NOTCH2: variants seen among roughly 807,000 people sequenced by gnomAD.
The protein encoded by NOTCH2 is notch receptor 2.
In NOTCH2, 29 loss-of-function variants were observed where a neutral mutation model predicts 235.8. The observed-to-expected ratio is 0.12, with a 90% CI of 0.09 to 0.17. The LOEUF (loss-of-function observed/expected upper bound fraction) is 0.17, where lower values mean the gene tolerates loss of function less well. NOTCH2 is among the 10% of genes least tolerant of loss of function. The probability of loss-of-function intolerance (pLI) is 1.00; values close to 1 mark genes in which losing one functional copy is unlikely to be tolerated. For synonymous variants in NOTCH2, 1,086 were observed against 1,141.5 expected (o/e 0.95, Z 0.98); for missense variants, 2,285 against 3,150.2 (o/e 0.73, Z 6.57).
intron 22 of NOTCH2, chr1:119,935,184 G>C: frequency 7.9e-7 from 1 of 1,271,134 alleles, no homozygotes; most frequent in Non-Finnish European, 1.0e-6. Flanking sequence ...TTACTGACCA[G>C]GCTAATTTTT....
rs782779578 is a variant in NOTCH2 at position 120,005,428 on chromosome 1, A to G, written c.316T>C (p.Ser106Pro). 2.5e-6 allele frequency: 4 copies of G among 1,613,898 alleles called. No homozygotes were observed. Among genetic ancestry groups the G allele is most frequent in the East Asian group, 2.2e-5 (1 of 44,894 alleles). The change falls in exon 3 of 34, where the codon TCT becomes CCT. Residue 106 changes from serine (S) to proline (P), a missense_variant. Ser to Pro is a moderately conservative substitution (Grantham distance 74). Coordinates refer to ENST00000256646, the MANE Select transcript of NOTCH2 (RefSeq NM_024408.4). Reference protein sequence around the residue: ...FTGEDCQYSTSHPCFVSRPCL... With the variant: ...FTGEDCQYSTPHPCFVSRPCL... The stretch of plus-strand genomic sequence containing the variant: ...GGTCGAGACACAAAGCATGGATGAG[A>G]TGTTGAGTACTGGCAGTCCTCTCCT...
In NOTCH2 at chr1:119,920,338, T is replaced by G. The variant is rs774363863; in HGVS notation, c.5370A>C (p.Thr1790=). The G allele has an allele frequency of 6.2e-7, 1 of 1,614,224 alleles. No homozygotes were observed. The highest frequency in any genetic ancestry group is 8.5e-7 in the Non-Finnish European group (1 of 1,180,034). Residue 1790 remains threonine (T), a synonymous_variant, in exon 30 of 34, where the codon ACA becomes ACC. Transcript: ENST00000256646. Reference sequence around the variant, plus strand: ...TGTCTGCAGCTTCAAGGTGCTGCTGTGTCCATGGCCGTCGATCAATGGGGT... The same window carrying G: ...TGTCTGCAGCTTCAAGGTGCTGCTGGGTCCATGGCCGTCGATCAATGGGGT... The part of the protein sequence containing the change: ...EDDPIDRRPW[T]QQHLEAADIR...
chr1:119,953,000 T>C (rs1553197962), intron 14 of NOTCH2, among the ~76,000 whole-genome samples: 1 of 152,182 alleles, frequency 6.6e-6, no homozygotes, highest in African/African-American at 2.4e-5. Flanking sequence ...ACTGGAGTCT[T>C]AACTGCTCAT....
intron 6 of NOTCH2, 60 bp from the exon 7 acceptor site, chr1:119,968,292 T>C (rs1350344509): frequency 3.3e-5 from 51 of 1,554,128 alleles, no homozygotes; most frequent in Non-Finnish European, 4.3e-5. Flanking sequence ...GGGGAAGAGC[T>C]TTCTCTTTCA....
At chr1:119,959,314 A>T in intron 12 of NOTCH2, 78 bp downstream of exon 12, 1 of 836,310 alleles carries the variant, frequency 1.2e-6, no homozygotes, top group South Asian at 1.3e-5. Flanking sequence ...AAACACTTGA[A>T]AAGCAATATT....
intron 6 of NOTCH2, 136 bp from the exon 7 acceptor site, chr1:119,968,368 G>T: frequency 2.0e-6 from 2 of 987,648 alleles, no homozygotes; most frequent in Non-Finnish European, 1.5e-6. Context: ...CGCAACTTCT[G>T]CTTTGCCTGA....
At chr1:120,031,026 T>G (rs1282703148) in intron 1 of NOTCH2, among the ~76,000 whole-genome samples, 5 of 148,548 alleles carry the variant, frequency 3.4e-5, no homozygotes, top group Admixed American at 6.8e-5. Context: ...TGGAAGTTAT[T>G]AAGATGTCCA....
rs975961683 is a variant in NOTCH2 at position 119,914,487 on chromosome 1, T to C, written c.*819A>G. ...ACCCTTCTTCCTGGTAAAGTTTATA[T>C]GAAGACCTGCACACAGACAAGAAAA... On this transcript the variant is annotated 3_prime_UTR_variant, in exon 34 of 34. Transcript: ENST00000256646. The C allele has an allele frequency of 1.3e-4, 31 of 233,408 alleles. No homozygotes were observed. Among genetic ancestry groups the C allele is most frequent in the African/African-American group, 5.9e-4 (27 of 45,476 alleles). The allele number at this position is 233,408 out of a possible 1,614,324, so 14.5% of individuals were successfully genotyped here. A position where few individuals can be genotyped will look rare whatever the true frequency, so the allele number is the denominator to read the frequency against.
rs144056860 is a variant in NOTCH2, at chr1:119,963,575, T to C, written c.1914A>G (p.Ser638=). 4 of 1,613,378 alleles carry C rather than the reference T, an allele frequency of 2.5e-6. No individual in the cohort carries two copies. In the African/African-American group the frequency reaches 5.3e-5, roughly 21 times the overall value. ...CAAACATAAACAGAGTGGGCTTACC[T>C]GACGTGCCTGGCTGGCAGTTGCACT... ...GYQCNCQPGT[S]GVNCEINFDD... Residue 638 remains serine (S), a splice_region_variant and synonymous_variant, in exon 11 of 34, where the codon TCA becomes TCG. Coordinates refer to ENST00000256646, the MANE Select transcript of NOTCH2 (RefSeq NM_024408.4).
intron 4 of NOTCH2, chr1:119,996,177 T>TA (rs1652437621): frequency 6.3e-6 from 1 of 158,218 alleles, no homozygotes; most frequent in South Asian, 1.8e-4. Context: ...TCATCATTTT[T>TA]ATAAGGAGTT....
At chr1:120,065,045 G>T (rs1655453111) in intron 1 of NOTCH2, among the ~76,000 whole-genome samples, 1 of 152,100 alleles carries the variant, frequency 6.6e-6, no homozygotes, top group South Asian at 2.1e-4. Flanking sequence ...GGGGTGGATG[G>T]CAGTGCCTTT....
chr1:119,948,359 C>G, intron 17 of NOTCH2, 55 bp downstream of exon 17: 1 of 1,607,650 alleles, frequency 6.2e-7, no homozygotes, highest in Non-Finnish European at 8.5e-7. Context: ...CTCTCCTCTG[C>G]TCCCTGTGTG....
In NOTCH2 at chr1:119,920,310, G is replaced by A. The variant is rs1450649026; in HGVS notation, c.5398C>T (p.Arg1800Cys). 22 of 1,614,046 alleles carry A rather than the reference G, an allele frequency of 1.4e-5. No individual in the cohort carries two copies. Among genetic ancestry groups the A allele is most frequent in the Admixed American group, 3.3e-5 (2 of 60,006 alleles). Residue 1800 changes from arginine (R) to cysteine (C), a missense_variant, in exon 30 of 34, where the codon CGT becomes TGT. Physicochemically the swap from Arg to Cys is radical, Grantham distance 180. Around this residue, in one of 6 missense-constraint regions of NOTCH2, gnomAD observed 1,173 missense variants for 1,515.3 expected, o/e 0.77. Coordinates refer to ENST00000256646, the MANE Select transcript of NOTCH2 (RefSeq NM_024408.4). ...GTGAGAGCCAGCGATGGTGTCCTAC[G>A]GATGTCTGCAGCTTCAAGGTGCTGC... ...TQQHLEAADIRRTPSLALTPP... is the reference protein window; with the variant it reads ...TQQHLEAADICRTPSLALTPP...
intron 14 of NOTCH2, among the ~76,000 whole-genome samples, chr1:119,953,029 A>G (rs1247318746): frequency 6.6e-6 from 1 of 152,174 alleles, no homozygotes; most frequent in Non-Finnish European, 1.5e-5. Flanking sequence ...TTACCATTTC[A>G]GGCTGGGTGC....
chr1:120,045,991 A>T (rs1327759552), intron 1 of NOTCH2, among the ~76,000 whole-genome samples: 1 of 152,230 alleles, frequency 6.6e-6, no homozygotes, highest in Admixed American at 6.5e-5. Flanking sequence ...ACATATGCAT[A>T]CATGGTTTAA....
rs1649440281 is a variant in NOTCH2, at chr1:119,925,370, C to T, written c.4446G>A (p.Glu1482=). 2 of 1,614,214 alleles carry T rather than the reference C, an allele frequency of 1.2e-6. No homozygotes were observed. Among genetic ancestry groups the T allele is most frequent in the South Asian group, 2.2e-5 (2 of 91,078 alleles). Residue 1482 remains glutamate (E), a synonymous_variant, in exon 25 of 34, where the codon GAG becomes GAA. Transcript: ENST00000256646. ...ACAGGCACTCGACCGTGTTGCACAG[C>T]TCATCACACTGGTTGTTGATATAAT... ...CWDYINNQCD[E]LCNTVECLFD...
intron 5 of NOTCH2, among the ~76,000 whole-genome samples, chr1:119,982,660 A>G (rs1273127152): frequency 1.3e-5 from 2 of 152,224 alleles, no homozygotes; most frequent in Non-Finnish European, 2.9e-5. Flanking sequence ...GTCTACTTCT[A>G]TTTCCTAAAG....
chr1:120,012,106 C>T (rs1553207054), intron 2 of NOTCH2, among the ~76,000 whole-genome samples: 2 of 129,848 alleles, frequency 1.5e-5, no homozygotes, highest in East Asian at 4.3e-4. Context: ...TGCTTCAACA[C>T]TAGGCTATCC....
chr1:120,010,477 CTCTGGAACCAGACCACCTGGATT>C (rs1379418642), intron 2 of NOTCH2, among the ~76,000 whole-genome samples: 1 of 151,798 alleles, frequency 6.6e-6, no homozygotes, highest in Admixed American at 6.6e-5. Flanking sequence ...AGAGTACAGA[CTCTGGAACCAGACCACCTGGATT>C]TCAATCCCAA....
Sources: allele counts gnomAD v4.1 joint callset (sites outside exome capture counted in the v4.1 genomes callset), GRCh38; gene constraint gnomAD v4.1.1; regional missense constraint gnomAD v4.1.1; transcripts MANE v1.5; gene names NCBI Gene and HGNC (gene_info 2026-07-23, HGNC 2026-07-21).